The following PCDHGA3 variants were observed in gnomAD, a reference collection of about 807,000 sequenced individuals.
PCDHGA3 encodes the protein protocadherin gamma-A3.
PCDHGA3 carries 40 observed loss-of-function variants against 58.5 expected under a neutral mutation model. The observed-to-expected ratio is 0.68, with a 90% confidence interval of 0.53 to 0.89. PCDHGA3 has a LOEUF of 0.89. Ranked by LOEUF, PCDHGA3 falls within the 40% of genes least tolerant of loss-of-function variation. The pLI, the probability that PCDHGA3 is intolerant of heterozygous loss-of-function variation, is 0.00. For missense variants in PCDHGA3, 1,223 were observed against 1,195.9 expected (o/e 1.02, Z -0.33); for synonymous variants, 530 against 525.7 (o/e 1.01, Z -0.11).
intron 1 of PCDHGA3, among the ~76,000 whole-genome samples, chr5:141,348,478 C>T (rs746953657): frequency 9.2e-5 from 14 of 151,996 alleles, no homozygotes; most frequent in Non-Finnish European, 1.3e-4. Context: ...ATCACTTTCC[C>T]TGTAAGGAGA....
intron 1 of PCDHGA3, chr5:141,393,354 G>T: frequency 6.2e-7 from 1 of 1,613,944 alleles, no homozygotes; most frequent in African/African-American, 1.3e-5. Flanking sequence ...CTTCTCCCTG[G>T]ACGTGCAGAC....
intron 1 of PCDHGA3, chr5:141,423,839 A>C: frequency 7.8e-7 from 1 of 1,279,970 alleles, no homozygotes; most frequent in Admixed American, 3.8e-5. Flanking sequence ...AGATTACGAT[A>C]ATCTTTCAGA....
intron 1 of PCDHGA3, chr5:141,365,631 C>G (rs973353724): frequency 6.2e-7 from 1 of 1,613,644 alleles, no homozygotes; most frequent in African/African-American, 1.3e-5. Flanking sequence ...CCCCTCTCTA[C>G]AGAAAGCCAC....
intron 1 of PCDHGA3, chr5:141,370,272 A>G: frequency 1.3e-6 from 1 of 794,346 alleles, no homozygotes; most frequent in Non-Finnish European, 1.9e-6. Context: ...TGCAGCGGAG[A>G]CACCCATTAG....
At chr5:141,366,611 G>A (rs1479573730) in intron 1 of PCDHGA3, 2 of 1,614,240 alleles carry the variant, frequency 1.2e-6, no homozygotes, top group Admixed American at 1.7e-5. Context: ...CTCCCTCACC[G>A]CGGACTCGAG....
intron 1 of PCDHGA3, among the ~76,000 whole-genome samples, chr5:141,407,444 C>G (rs578101282): frequency 6.7e-6 from 1 of 150,116 alleles, no homozygotes; most frequent in South Asian, 2.1e-4. Flanking sequence ...AAAACCAGAA[C>G]ACGAGGCTCA....
At chr5:141,399,805 T>C (rs776266997) in intron 1 of PCDHGA3, 26 of 1,613,074 alleles carry the variant, frequency 1.6e-5, no homozygotes, top group Non-Finnish European at 8.5e-7. Flanking sequence ...GCGGGTGCTG[T>C]ACCCCGCGCT....
chr5:141,389,006 C>G, intron 1 of PCDHGA3: 1 of 1,613,986 alleles, frequency 6.2e-7, no homozygotes, highest in South Asian at 1.1e-5. Context: ...ACAAGGATTC[C>G]AGACACAATG....
chr5:141,414,473 G>C lies in PCDHGA3; in HGVS notation c.2424+68016G>C, dbSNP rs371832510. 50 of 1,613,790 alleles carry C rather than the reference G, an allele frequency of 3.1e-5. No individual in the cohort carries two copies. The highest frequency in any genetic ancestry group is 4.1e-5 in the Non-Finnish European group (48 of 1,179,892). Reference sequence around the variant, plus strand: ...ACAGTGACAGCCACAGATGGGGGAAGTCCTCCTCTATCAACGGAAGCTCAC... The same window carrying C: ...ACAGTGACAGCCACAGATGGGGGAACTCCTCCTCTATCAACGGAAGCTCAC... On this transcript the variant is annotated intron_variant, in intron 1 of 3. Transcript: ENST00000253812.
At chr5:141,428,613 CAAGAT>C (rs1385471747) in intron 1 of PCDHGA3, 1 of 212,608 alleles carries the variant, frequency 4.7e-6, no homozygotes, top group African/African-American at 2.3e-5. Flanking sequence ...AAGAGAATAA[CAAGAT>C]AAGCTCTAAC....
chr5:141,375,581 C>T, intron 1 of PCDHGA3: 1 of 1,614,174 alleles, frequency 6.2e-7, no homozygotes, highest in Non-Finnish European at 8.5e-7. Context: ...CCAGGGGGCG[C>T]CCCTGTCCTC....
intron 1 of PCDHGA3, chr5:141,421,138 G>T (rs2096548427): frequency 1.1e-6 from 1 of 899,466 alleles, no homozygotes. Context: ...ATATATTTTG[G>T]ATGTAGTCGG....
At chr5:141,362,707 GT>G in intron 1 of PCDHGA3, 1 of 974,024 alleles carries the variant, frequency 1.0e-6, no homozygotes, top group Non-Finnish European at 1.5e-6. Flanking sequence ...AATTTTAAGT[GT>G]TTTCTCTCTG....
intron 1 of PCDHGA3, chr5:141,383,821 G>T: frequency 1.2e-6 from 2 of 1,613,922 alleles, no homozygotes; most frequent in Non-Finnish European, 1.7e-6. Context: ...AGAAGGATTA[G>T]ATTATGAAGA....
Position 141,489,560 on chromosome 5 carries a change from A to C in PCDHGA3, c.2425-5247A>C, listed in dbSNP as rs749076412. On this transcript the variant is annotated intron_variant, in intron 1 of 3. Coordinates refer to ENST00000253812, the MANE Select transcript of PCDHGA3 (RefSeq NM_018916.4). This position sits in a 1 kb window ranked among gnomAD's most constrained non-coding sequence, Gnocchi z 4.5. Reference sequence around the variant, plus strand: ...AGCACCAGCTGCCTGCTGCCAGTGCAGGTGGTGACTGAACACCCCCTGGAG... The same window carrying C: ...AGCACCAGCTGCCTGCTGCCAGTGCCGGTGGTGACTGAACACCCCCTGGAG... 2 of 1,614,142 alleles carry C rather than the reference A, an allele frequency of 1.2e-6. No individual in the cohort carries two copies. Among genetic ancestry groups the C allele is most frequent in the Admixed American group, 3.3e-5 (2 of 60,024 alleles).
In PCDHGA3 at chr5:141,486,805, C is replaced by A; in HGVS notation, c.2425-8002C>A. On this transcript the variant is annotated intron_variant, in intron 1 of 3. Transcript: ENST00000253812. The surrounding 1 kb of genome is among the most constrained non-coding windows in gnomAD (Gnocchi z 5.0). ...AGGCCCGGGATCGGGGCAACCCACC[C>A]CTTAGCAGCACTGTAACAGTTCGTC... 1.2e-6 allele frequency: 2 copies of A among 1,614,242 alleles called. No homozygotes were observed. Among genetic ancestry groups the A allele is most frequent in the Admixed American group, 1.7e-5 (1 of 60,034 alleles).
chr5:141,376,347 A>T (rs1218451115), intron 1 of PCDHGA3: 1 of 1,614,056 alleles, frequency 6.2e-7, no homozygotes. Context: ...ACCTATTCCC[A>T]CGAGGTCTCA....
chr5:141,364,491 T>G, intron 1 of PCDHGA3: 1 of 1,614,022 alleles, frequency 6.2e-7, no homozygotes. Context: ...GACCTTGGGC[T>G]GGAGCCCCAG....
At chr5:141,375,420 A>G (rs777736413) in intron 1 of PCDHGA3, 6 of 1,614,002 alleles carry the variant, frequency 3.7e-6, no homozygotes, top group Admixed American at 3.3e-5. Flanking sequence ...GCAGACACCA[A>G]CGACAACCCG....
Sources: gnomAD v4.1 joint callset for allele counts (sites outside exome capture counted in the v4.1 genomes callset) on GRCh38, gnomAD v4.1.1 for gene constraint, Gnocchi (gnomAD v3.1) non-coding constraint, MANE v1.5 for transcripts, NCBI Gene and HGNC (gene_info 2026-07-23, HGNC 2026-07-21) for gene names.